The following SCHIP1 variants were observed in gnomAD, a reference collection of about 807,000 sequenced individuals.
SCHIP1 encodes schwannomin-interacting protein 1.
Under a neutral mutation model 29.7 loss-of-function variants are expected in SCHIP1, and 8 were observed. The ratio of observed to expected loss-of-function variants is 0.27; its 90% CI spans 0.16 to 0.49. The LOEUF is 0.49. SCHIP1 is among the 20% of genes least tolerant of loss of function. The pLI is 0.99. For missense variants in SCHIP1, 193 were observed against 294.6 expected (o/e 0.66, Z 2.52); for synonymous variants, 76 against 94.9 (o/e 0.80, Z 1.16).
At chr3:159,764,596 G>T in the SCHIP1 span, 1 of 1,609,354 alleles carries the variant, frequency 6.2e-7, no homozygotes, top group Non-Finnish European at 8.5e-7. This position sits in a 1 kb window ranked among gnomAD's most constrained non-coding sequence, Gnocchi z 6.1. Context: ...CTTGGTGTCT[G>T]CCCTGGAGGA....
the SCHIP1 span, among the ~76,000 whole-genome samples, chr3:159,347,032 G>A: frequency 6.6e-5 from 10 of 151,550 alleles, no homozygotes; most frequent in South Asian, 2.1e-4. Flanking sequence ...TTTTTTTTCC[G>A]CAGCTTCACA....
the SCHIP1 span, chr3:159,765,167 G>A: frequency 9.8e-6 from 15 of 1,536,100 alleles, 1 homozygote; most frequent in South Asian, 1.7e-4. Context: ...GTGCCCACGC[G>A]CGCACACACG....
the SCHIP1 span, among the ~76,000 whole-genome samples, chr3:159,463,584 A>G: frequency 6.6e-6 from 1 of 152,082 alleles, no homozygotes; most frequent in Non-Finnish European, 1.5e-5. Context: ...CTTAGGCATT[A>G]TGTTACATAA....
At chr3:159,638,846 A>G in the SCHIP1 span, among the ~76,000 whole-genome samples, 1 of 152,084 alleles carries the variant, frequency 6.6e-6, no homozygotes, top group Admixed American at 6.6e-5. Flanking sequence ...CTATTAAATC[A>G]TGTAGATAAT....
the SCHIP1 span, among the ~76,000 whole-genome samples, chr3:159,597,534 A>G: frequency 6.6e-6 from 1 of 152,074 alleles, no homozygotes; most frequent in East Asian, 1.9e-4. Context: ...TGATATTTGC[A>G]TTTTTGGACC....
At chr3:159,324,155 T>A in the SCHIP1 span, among the ~76,000 whole-genome samples, 3 of 152,274 alleles carry the variant, frequency 2.0e-5, no homozygotes, top group South Asian at 2.1e-4. Context: ...TTTTTATATA[T>A]GGTACAGCTA....
At chr3:159,727,291 T>C in the SCHIP1 span, among the ~76,000 whole-genome samples, 1 of 152,340 alleles carries the variant, frequency 6.6e-6, no homozygotes, top group African/African-American at 2.4e-5. Context: ...TTTATCTTCA[T>C]CACAGAATTA....
the SCHIP1 span, among the ~76,000 whole-genome samples, chr3:159,323,009 C>T: frequency 6.6e-6 from 1 of 152,216 alleles, no homozygotes; most frequent in Non-Finnish European, 1.5e-5. Flanking sequence ...TGTAACTACT[C>T]TGTTGCAAGG....
the SCHIP1 span, among the ~76,000 whole-genome samples, chr3:159,449,274 C>T: frequency 1.7e-5 from 1 of 59,530 alleles, no homozygotes; most frequent in African/African-American, 6.7e-5. Flanking sequence ...AGAACACAAG[C>T]CTACAAGCTG....
chr3:159,625,680 G>T, the SCHIP1 span, among the ~76,000 whole-genome samples: 1 of 151,960 alleles, frequency 6.6e-6, no homozygotes, highest in African/African-American at 2.4e-5. Context: ...TTTGTTTCCA[G>T]AAAGCTGGTT....
the SCHIP1 span, among the ~76,000 whole-genome samples, chr3:159,556,997 G>A: frequency 4.7e-5 from 7 of 150,110 alleles, no homozygotes; most frequent in South Asian, 2.1e-4. Flanking sequence ...TTGCTCTGCC[G>A]CCCAGACTAG....
the SCHIP1 span, among the ~76,000 whole-genome samples, chr3:159,297,126 T>TTGTGTG: frequency 0.026 from 3,666 of 143,316 alleles, 66 homozygotes; most frequent in Middle Eastern, 0.043. Flanking sequence ...TAATATTCCA[T>TTGTGTG]TGTGTGTGTG....
chr3:159,457,207 AAGG>A, the SCHIP1 span, among the ~76,000 whole-genome samples: 1 of 152,188 alleles, frequency 6.6e-6, no homozygotes, highest in Non-Finnish European at 1.5e-5. Context: ...CTCATTTAAA[AAGG>A]AGATTTCCAA....
the SCHIP1 span, among the ~76,000 whole-genome samples, chr3:159,536,108 T>A: frequency 1.3e-5 from 2 of 152,214 alleles, no homozygotes; most frequent in African/African-American, 4.8e-5. Context: ...GGCTACTATG[T>A]TGAACAGCAA....
At chr3:159,305,694 G>A in the SCHIP1 span, among the ~76,000 whole-genome samples, 1 of 152,160 alleles carries the variant, frequency 6.6e-6, no homozygotes, top group East Asian at 1.9e-4. Flanking sequence ...GGTTACTTGA[G>A]AATATATTAT....
chr3:159,287,332 G>C, the SCHIP1 span, among the ~76,000 whole-genome samples: 2,460 of 145,362 alleles, frequency 0.017, 81 homozygotes, highest in African/African-American at 0.058. Context: ...TTTTGAGACA[G>C]ACAAAAAATC....
the SCHIP1 span, among the ~76,000 whole-genome samples, chr3:159,727,187 T>A: frequency 6.6e-6 from 1 of 152,220 alleles, no homozygotes; most frequent in Non-Finnish European, 1.5e-5. Flanking sequence ...TGCTGCAGAA[T>A]CTTTTCTAAA....
At chr3:159,588,644 A>G in the SCHIP1 span, among the ~76,000 whole-genome samples, 39 of 152,176 alleles carry the variant, frequency 2.6e-4, 1 homozygote, top group Non-Finnish European at 5.3e-4. Context: ...TTTTTGTATA[A>G]GGTGTAAGGA....
At chr3:159,604,362 T>G in the SCHIP1 span, among the ~76,000 whole-genome samples, 2 of 152,160 alleles carry the variant, frequency 1.3e-5, no homozygotes, top group African/African-American at 4.8e-5. Flanking sequence ...AGAGAATCAT[T>G]TAGATGAATT....
Sources: allele counts gnomAD v4.1 joint callset (sites outside exome capture counted in the v4.1 genomes callset), GRCh38; gene constraint gnomAD v4.1.1; non-coding constraint Gnocchi (gnomAD v3.1); transcripts MANE v1.5; gene names NCBI Gene and HGNC (gene_info 2026-07-23, HGNC 2026-07-21).